Variants in TLN2 observed in about 807,000 individuals in gnomAD.
TLN2 encodes the protein talin-2.
Under a neutral mutation model 294.7 loss-of-function variants are expected in TLN2, and 118 were observed. The ratio of observed to expected loss-of-function variants is 0.40; its 90% CI spans 0.34 to 0.47. TLN2 has a LOEUF of 0.47. Among genes scored for constraint, TLN2 ranks in the 20% least tolerant of loss-of-function variants. TLN2 has a pLI of 0.84. For missense variants in TLN2, 3,083 were observed against 3,282.2 expected (o/e 0.94, Z 1.48); for synonymous variants, 1,431 against 1,304.5 (o/e 1.10, Z -2.09).
At chr15:62,572,603 C>A (rs557425270) in intron 1 of TLN2, among the ~76,000 whole-genome samples, 1 of 152,352 alleles carries the variant, frequency 6.6e-6, no homozygotes, top group Non-Finnish European at 1.5e-5. Flanking sequence ...CAGTATCTGG[C>A]ACCAGCCTGA....
chr15:62,710,836 C>T (rs2059385493), intron 21 of TLN2, among the ~76,000 whole-genome samples: 1 of 140,570 alleles, frequency 7.1e-6, no homozygotes, highest in Admixed American at 8.2e-5. Context: ...TGCCATTCTT[C>T]TGCCTTAGCC....
intron 3 of TLN2, among the ~76,000 whole-genome samples, chr15:62,631,346 T>C (rs1191119559): frequency 6.6e-6 from 1 of 152,214 alleles, no homozygotes; most frequent in African/African-American, 2.4e-5. Context: ...GCTTGCTCAG[T>C]GGATTCCTAA....
At chr15:62,449,807 A>G (rs550547331) in intron 1 of TLN2, among the ~76,000 whole-genome samples, 2 of 152,160 alleles carry the variant, frequency 1.3e-5, no homozygotes, top group Non-Finnish European at 2.9e-5. Context: ...GGCCAAAGCT[A>G]TGCAGAGAAA....
intron 38 of TLN2, 34 bp from the exon 39 acceptor site, chr15:62,762,238 C>T: frequency 6.2e-7 from 1 of 1,612,554 alleles, no homozygotes; most frequent in Non-Finnish European, 8.5e-7. Context: ...ATGTCTTCGA[C>T]CCTGACTTTG....
intron 1 of TLN2, among the ~76,000 whole-genome samples, chr15:62,486,665 A>G (rs928430985): frequency 6.6e-6 from 1 of 152,054 alleles, no homozygotes; most frequent in Non-Finnish European, 1.5e-5. Flanking sequence ...ATTTTGCCTC[A>G]TTACTGGAGA....
chr15:62,621,071 C>T (rs2048782631), intron 3 of TLN2, among the ~76,000 whole-genome samples: 1 of 150,064 alleles, frequency 6.7e-6, no homozygotes, highest in Non-Finnish European at 1.5e-5. Context: ...GATCTCCTGA[C>T]CTTGTGATCC....
At chr15:62,577,112 TC>T (rs2044486451) in intron 1 of TLN2, among the ~76,000 whole-genome samples, 1 of 152,216 alleles carries the variant, frequency 6.6e-6, no homozygotes, top group Non-Finnish European at 1.5e-5. Flanking sequence ...GAATTTGTTT[TC>T]TTAGGGAAAA....
chr15:62,735,590 G>A (rs1485919912), intron 28 of TLN2, among the ~76,000 whole-genome samples: 1 of 152,204 alleles, frequency 6.6e-6, no homozygotes, highest in Non-Finnish European at 1.5e-5. Context: ...CCTGGTGTTG[G>A]CTAGGATGTA....
At chr15:62,435,017 T>C (rs1176434107) in intron 1 of TLN2, among the ~76,000 whole-genome samples, 1 of 152,224 alleles carries the variant, frequency 6.6e-6, no homozygotes, top group African/African-American at 2.4e-5. Context: ...ATGCAGTGTT[T>C]GGTTTTTCTG....
chr15:62,454,735 TC>T (rs1410890801), intron 1 of TLN2, among the ~76,000 whole-genome samples: 1 of 152,128 alleles, frequency 6.6e-6, no homozygotes. Flanking sequence ...AGCAGATAGA[TC>T]CAGCTCCTAG....
chr15:62,513,160 C>T (rs184232978), intron 1 of TLN2, among the ~76,000 whole-genome samples: 3 of 152,284 alleles, frequency 2.0e-5, no homozygotes, highest in Non-Finnish European at 4.4e-5. Context: ...ATGCTGAGTC[C>T]TTCTCACAAT....
chr15:62,694,485 C>G (rs1252937020), intron 14 of TLN2, 93 bp downstream of exon 14: 1 of 1,013,148 alleles, frequency 9.9e-7, no homozygotes, highest in Non-Finnish European at 1.5e-6. Context: ...TGAAGCCTGT[C>G]ACCTGGAGAA....
At chr15:62,525,319 G>A (rs7177367) in intron 1 of TLN2, among the ~76,000 whole-genome samples, 1,982 of 152,294 alleles carry the variant, frequency 0.013, 46 homozygotes, top group African/African-American at 0.045. Flanking sequence ...TCCCTGAAAT[G>A]TATACCAATC....
intron 11 of TLN2, among the ~76,000 whole-genome samples, chr15:62,678,025 C>T (rs2056426331): frequency 6.6e-6 from 1 of 151,902 alleles, no homozygotes; most frequent in South Asian, 2.1e-4. Flanking sequence ...GAACTCCCTA[C>T]CTCAGGTCAT....
intron 57 of TLN2, among the ~76,000 whole-genome samples, chr15:62,836,282 C>T (rs186827969): frequency 5.9e-5 from 9 of 152,382 alleles, no homozygotes; most frequent in African/African-American, 1.9e-4. Flanking sequence ...CTTCTGGTCT[C>T]ATGCCCTGGG....
chr15:62,581,812 G>A (rs978039450), intron 1 of TLN2, among the ~76,000 whole-genome samples: 4 of 152,102 alleles, frequency 2.6e-5, no homozygotes, highest in South Asian at 4.1e-4. Flanking sequence ...GGGAGGCCGA[G>A]GCAGGCAGAT....
intron 2 of TLN2, among the ~76,000 whole-genome samples, chr15:62,617,624 G>T (rs752292399): frequency 3.9e-5 from 6 of 152,192 alleles, no homozygotes; most frequent in Admixed American, 2.0e-4. Flanking sequence ...CCTCATCCCC[G>T]CTTTCACCCT....
At position 62,825,780 on chromosome 15, in the gene TLN2, T is replaced by C. The variant is rs1282844714; in HGVS notation, c.7002+5170T>C. 2.4e-3 allele frequency among the ~76,000 whole-genome samples: 46 copies of C among 19,448 alleles called. 1 individual carries two copies. Among genetic ancestry groups the C allele is most frequent in the Non-Finnish European group, 5.0e-3 (41 of 8,208 alleles). 12.8% of individuals were successfully genotyped at this position (19,448 alleles called of 152,430 possible). On this transcript the variant is annotated intron_variant, in intron 54 of 58. Coordinates refer to ENST00000636159, the MANE Select transcript of TLN2 (RefSeq NM_015059.3). ...AATTATAATTATATATTATATAATA[T>C]ATTATATATTATAATATATATTATA...
rs377405417 is a variant in TLN2, at chr15:62,504,818, G to GGTGTGTGTGT, written c.-237-84849_-237-84840dup. Among the ~76,000 whole-genome samples, 1,476 of 143,478 alleles carry GGTGTGTGTGT rather than the reference G, an allele frequency of 0.01. 37 individuals are homozygous for GGTGTGTGTGT. The East Asian group carries it at 0.12, about 11-fold the overall frequency. The allele number at this position is 143,478 out of a possible 152,430, so 94.1% of individuals were successfully genotyped here. A position where few individuals can be genotyped will look rare whatever the true frequency, so the allele number is the denominator to read the frequency against. On this transcript the variant is annotated intron_variant, in intron 1 of 58. Transcript: ENST00000636159. ...AAGGGTAACAGAAAGTAGTTGGTGG[G>GGTGTGTGTGT]GTGTGTGTGTGTGTGTGTGTGTGTG...
Sources: gnomAD v4.1 joint callset for allele counts (sites outside exome capture counted in the v4.1 genomes callset) on GRCh38, gnomAD v4.1.1 for gene constraint, MANE v1.5 for transcripts, NCBI Gene and HGNC (gene_info 2026-07-23, HGNC 2026-07-21) for gene names.